CREB5: variants seen among roughly 807,000 people sequenced by gnomAD.
CREB5 encodes cyclic AMP-responsive element-binding protein 5.
Under a neutral mutation model 57.1 loss-of-function variants are expected in CREB5, and 19 were observed. The observed-to-expected ratio is 0.33, with a 90% CI of 0.23 to 0.49. The LOEUF is 0.49. Ranked by LOEUF, CREB5 falls within the 20% of genes least tolerant of loss-of-function variation. CREB5 has a pLI of 0.99. For synonymous variants in CREB5, 238 were observed against 238.3 expected, an observed-to-expected ratio of 1.00 and a Z score of 0.01; for missense variants, 579 against 671.6, an observed-to-expected ratio of 0.86 and a Z score of 1.52.
intron 5 of CREB5, among the ~76,000 whole-genome samples, chr7:28,715,900 G>C (rs922652131): frequency 2.6e-5 from 4 of 152,216 alleles, no homozygotes; most frequent in African/African-American, 9.6e-5. Flanking sequence ...CTAGTACCCT[G>C]AAAGGCTATC....
chr7:28,640,106 T>C (rs1798590272), intron 5 of CREB5, among the ~76,000 whole-genome samples: 1 of 152,164 alleles, frequency 6.6e-6, no homozygotes, highest in African/African-American at 2.4e-5. Flanking sequence ...TAGGTGGGTG[T>C]GCCTCCTCTC....
At chr7:28,455,514 A>G (rs569165474) in intron 1 of CREB5, among the ~76,000 whole-genome samples, 1 of 152,366 alleles carries the variant, frequency 6.6e-6, no homozygotes, top group South Asian at 2.1e-4. Flanking sequence ...TTTGTAAATT[A>G]AATCCTCTAA....
intron 5 of CREB5, among the ~76,000 whole-genome samples, chr7:28,634,127 A>G (rs181311200): frequency 6.6e-6 from 1 of 152,296 alleles, no homozygotes; most frequent in South Asian, 2.1e-4. Flanking sequence ...GGTCTTTCCC[A>G]TTATACCCTT....
intron 5 of CREB5, among the ~76,000 whole-genome samples, chr7:28,600,567 T>C (rs534079169): frequency 6.6e-6 from 1 of 152,312 alleles, no homozygotes; most frequent in East Asian, 1.9e-4. Flanking sequence ...GCGCTATTCA[T>C]GGAAGAGGTA....
At chr7:28,504,726 G>T (rs1421624271) in intron 3 of CREB5, among the ~76,000 whole-genome samples, 2 of 152,112 alleles carry the variant, frequency 1.3e-5, no homozygotes, top group African/African-American at 4.8e-5. Flanking sequence ...TAGCACACCA[G>T]GTTCCCAGGA....
chr7:28,772,250 T>C (rs1806366255), intron 7 of CREB5, among the ~76,000 whole-genome samples: 1 of 152,088 alleles, frequency 6.6e-6, no homozygotes, highest in Non-Finnish European at 1.5e-5. Context: ...GTTTAAAAAA[T>C]GTTCAGGTTA....
chr7:28,353,241 C>T (rs1393737561), intron 1 of CREB5, among the ~76,000 whole-genome samples: 1 of 152,154 alleles, frequency 6.6e-6, no homozygotes, highest in Non-Finnish European at 1.5e-5. Flanking sequence ...AGCCACCACG[C>T]CCAGCTAATT....
chr7:28,692,685 C>G (rs1184491162), intron 5 of CREB5, among the ~76,000 whole-genome samples: 3 of 152,122 alleles, frequency 2.0e-5, no homozygotes, highest in Non-Finnish European at 4.4e-5. Context: ...ATGAGAATCT[C>G]TTGAACCTGG....
intron 4 of CREB5, among the ~76,000 whole-genome samples, chr7:28,525,905 T>G (rs1793427280): frequency 6.6e-6 from 1 of 152,182 alleles, no homozygotes; most frequent in African/African-American, 2.4e-5. Context: ...TGGTGATAAA[T>G]GAAACCTCAT....
intron 1 of CREB5, among the ~76,000 whole-genome samples, chr7:28,388,748 G>T (rs577198732): frequency 6.6e-6 from 1 of 152,232 alleles, no homozygotes; most frequent in South Asian, 2.1e-4. Context: ...TCTCAATCAC[G>T]CATAATGCCT....
intron 1 of CREB5, among the ~76,000 whole-genome samples, chr7:28,470,465 C>A (rs1196644967): frequency 6.6e-6 from 1 of 152,112 alleles, no homozygotes; most frequent in Non-Finnish European, 1.5e-5. Context: ...TTTCTTTGTC[C>A]ATTCATCTGT....
Position 28,682,758 on chromosome 7 carries a change from G to A in CREB5, c.465-35995G>A, listed in dbSNP as rs112511310. Among the ~76,000 whole-genome samples, 1,438 of 151,756 alleles carry A rather than the reference G, an allele frequency of 9.5e-3. 11 individuals carry two copies. The highest frequency in any genetic ancestry group is 0.017 in the Non-Finnish European group (1,154 of 67,988). On this transcript the variant is annotated intron_variant, in intron 5 of 10. Coordinates refer to ENST00000357727, the MANE Select transcript of CREB5 (RefSeq NM_182898.4). The stretch of plus-strand genomic sequence containing the variant: ...TCATATTTGCTATGTTTCTCATAAC[G>A]TGTTTGAGCTCAGAAATTCACCCAG...
chr7:28,400,222 A>G (rs1435539517), intron 1 of CREB5, among the ~76,000 whole-genome samples: 1 of 152,184 alleles, frequency 6.6e-6, no homozygotes, highest in Non-Finnish European at 1.5e-5. Context: ...CTAGGTTTGA[A>G]ACTCAACTTC....
At chr7:28,406,676 C>T (rs1485549705) in intron 1 of CREB5, among the ~76,000 whole-genome samples, 1 of 152,220 alleles carries the variant, frequency 6.6e-6, no homozygotes, top group Admixed American at 6.5e-5. Context: ...AGTGGAGGCA[C>T]CCTTAGAGAT....
chr7:28,475,289 G>A lies in CREB5; in HGVS notation c.4-12886G>A, dbSNP rs1203862973. Among the ~76,000 whole-genome samples, 5 of 100,524 alleles carry A rather than the reference G, an allele frequency of 5.0e-5. No homozygotes were observed. The East Asian group carries it at 9.4e-4, about 19-fold the overall frequency. The allele number at this position is 100,524 out of a possible 152,430, so 65.9% of individuals were successfully genotyped here. A position where few individuals can be genotyped will look rare whatever the true frequency, so the allele number is the denominator to read the frequency against. ...TTTTTTTTTTTTTTTTTTTTTTTTA[G>A]GCTAGGCGTGGTGGCTCATGCCTAT... is the stretch of plus-strand genomic sequence containing the variant. On this transcript the variant is annotated intron_variant, in intron 1 of 10. Transcript: ENST00000357727.
chr7:28,378,978 G>C (rs1278195678), intron 1 of CREB5, among the ~76,000 whole-genome samples: 1 of 152,216 alleles, frequency 6.6e-6, no homozygotes, highest in Non-Finnish European at 1.5e-5. Flanking sequence ...TGAGGAACCT[G>C]TGCTGGCTCC....
At chr7:28,352,032 C>T (rs1312233521) in intron 1 of CREB5, among the ~76,000 whole-genome samples, 1 of 151,970 alleles carries the variant, frequency 6.6e-6, no homozygotes, top group East Asian at 1.9e-4. Context: ...TTTAAAAAAC[C>T]AAATAGACAT....
intron 7 of CREB5, among the ~76,000 whole-genome samples, chr7:28,784,866 G>A (rs747491648): frequency 1.7e-4 from 26 of 152,072 alleles, no homozygotes; most frequent in Non-Finnish European, 3.4e-4. Flanking sequence ...GAATCGAAGC[G>A]GCTGCTTGAT....
chr7:28,567,804 T>C (rs1414698489), intron 4 of CREB5, among the ~76,000 whole-genome samples: 1 of 152,020 alleles, frequency 6.6e-6, no homozygotes, highest in African/African-American at 2.4e-5. Flanking sequence ...ATGAATCACA[T>C]AGAGCAAGAG....
Sources: gnomAD v4.1 joint callset for allele counts (sites outside exome capture counted in the v4.1 genomes callset) on GRCh38, gnomAD v4.1.1 for gene constraint, MANE v1.5 for transcripts, NCBI Gene and HGNC (gene_info 2026-07-23, HGNC 2026-07-21) for gene names.